The following VPS54 variants were observed in gnomAD, a reference collection of about 807,000 sequenced individuals.
VPS54 encodes vacuolar protein sorting-associated protein 54.
Under a neutral mutation model 121.5 loss-of-function variants are expected in VPS54, and 45 were observed. That is an observed-to-expected ratio of 0.37 (90% CI 0.29 to 0.47). The LOEUF is 0.47. Ranked by LOEUF, VPS54 falls within the 20% of genes least tolerant of loss-of-function variation. VPS54 has a pLI of 0.99. For synonymous variants in VPS54, 371 were observed against 385.8 expected, an observed-to-expected ratio of 0.96 and a Z score of 0.45; for missense variants, 1,090 against 1,131.4, an observed-to-expected ratio of 0.96 and a Z score of 0.52.
chr2:64,017,634 C>A (rs140635000), intron 1 of VPS54, among the ~76,000 whole-genome samples: 143 of 152,264 alleles, frequency 9.4e-4, no homozygotes, highest in African/African-American at 3.1e-3. Flanking sequence ...ACAGTCTTTA[C>A]GATTTGGTTG....
intron 4 of VPS54, among the ~76,000 whole-genome samples, chr2:63,969,213 A>G (rs568291305): frequency 1.2e-4 from 18 of 152,358 alleles, no homozygotes; most frequent in Admixed American, 1.1e-3. Flanking sequence ...TATAGCAGCA[A>G]TAAAACAGCA....
intron 10 of VPS54, 88 bp from the exon 11 acceptor site, chr2:63,942,649 A>ACTAT: frequency 9.1e-7 from 1 of 1,099,520 alleles, no homozygotes; most frequent in Non-Finnish European, 1.3e-6. Flanking sequence ...GAGACTAAAT[A>ACTAT]CTATCTAGTG....
chr2:63,935,501 T>TC (rs1224159987), intron 11 of VPS54, among the ~76,000 whole-genome samples: 1 of 152,192 alleles, frequency 6.6e-6, no homozygotes, highest in East Asian at 1.9e-4. Flanking sequence ...TGCGTCTTTT[T>TC]CCTTATCTCT....
intron 20 of VPS54, among the ~76,000 whole-genome samples, chr2:63,904,465 G>A (rs1332490531): frequency 7.7e-4 from 67 of 87,210 alleles, no homozygotes; most frequent in Non-Finnish European, 1.0e-3. Context: ...AAAAAAAAAA[G>A]GGAGATCACA....
In VPS54 at chr2:63,912,577, T is replaced by C. The variant is rs138401368; in HGVS notation, c.2507A>G (p.Gln836Arg). 2.6e-5 allele frequency: 41 copies of C among 1,604,512 alleles called. No homozygotes were observed. In the African/African-American group the frequency reaches 5.0e-4, roughly 20 times the overall value. The change falls in exon 19 of 23, where the codon CAA becomes CGA. Residue 836 changes from glutamine to arginine, a missense_variant. Gln to Arg is a conservative substitution (Grantham distance 43). Around this residue, in one of 2 missense-constraint regions of VPS54, gnomAD observed 289 missense variants for 374.4 expected, o/e 0.77. Coordinates refer to ENST00000272322, the MANE Select transcript of VPS54 (RefSeq NM_016516.3). ...ATCAAAATGCCTAAGCATGCTATAT[T>C]GCTTAGGTGGTAGTCGAGCTTCAAA... ...AHFEARLPPK[Q>R]YSMLRHFDHI...
At chr2:64,014,505 T>G (rs1397708125) in intron 1 of VPS54, among the ~76,000 whole-genome samples, 1 of 152,216 alleles carries the variant, frequency 6.6e-6, no homozygotes, top group Non-Finnish European at 1.5e-5. Flanking sequence ...TTTGCCCCTA[T>G]ATTAAGGAGT....
chr2:63,938,675 G>A (rs922996611), intron 11 of VPS54, among the ~76,000 whole-genome samples: 6 of 152,106 alleles, frequency 3.9e-5, no homozygotes, highest in African/African-American at 1.2e-4. Context: ...ATGTTGGCCC[G>A]GCTGGTCTCA....
intron 8 of VPS54, 107 bp from the exon 9 acceptor site, chr2:63,947,597 C>G: frequency 1.0e-6 from 1 of 972,658 alleles, no homozygotes; most frequent in Non-Finnish European, 1.4e-6. Flanking sequence ...AGATCTCTAT[C>G]CTGCACAAAG....
intron 1 of VPS54, among the ~76,000 whole-genome samples, chr2:64,009,884 C>T (rs1396677694): frequency 6.6e-6 from 1 of 150,666 alleles, no homozygotes. Context: ...CTCTGTCACT[C>T]AGGCTGGAGT....
intron 6 of VPS54, among the ~76,000 whole-genome samples, chr2:63,963,299 T>C (rs1187162273): frequency 6.6e-6 from 1 of 152,162 alleles, no homozygotes; most frequent in African/African-American, 2.4e-5. Flanking sequence ...TTAATTCTTA[T>C]GGTAATATAT....
At position 63,965,902 on chromosome 2, in the gene VPS54, G is replaced by T; in HGVS notation, c.557C>A (p.Ser186Tyr). The change falls in exon 6 of 23, where the codon TCT becomes TAT. Residue 186 changes from serine to tyrosine, a missense_variant. Ser to Tyr is a moderately radical substitution (Grantham distance 144). Around this residue, in one of 2 missense-constraint regions of VPS54, gnomAD observed 801 missense variants for 757.0 expected, o/e 1.06. Coordinates refer to ENST00000272322, the MANE Select transcript of VPS54 (RefSeq NM_016516.3). ...SLTFNSVLPW[S>Y]HFNTAGGKGN... ...TTTTCCACCAGCAGTATTAAAATGA[G>T]ACCATGGTAAAACTGAATTAAAAGT... The T allele has an allele frequency of 6.2e-7, 1 of 1,612,928 alleles. No individual in the cohort carries two copies. The highest frequency in any genetic ancestry group is 1.1e-5 in the South Asian group (1 of 90,612).
At chr2:64,016,656 T>C (rs1272616161) in intron 1 of VPS54, among the ~76,000 whole-genome samples, 2 of 151,416 alleles carry the variant, frequency 1.3e-5, no homozygotes, top group African/African-American at 4.9e-5. Flanking sequence ...TCACCCAGCC[T>C]GTAGTGCAGT....
At chr2:63,941,270 G>A (rs1381948610) in intron 11 of VPS54, among the ~76,000 whole-genome samples, 1 of 151,964 alleles carries the variant, frequency 6.6e-6, no homozygotes, top group Non-Finnish European at 1.5e-5. Context: ...TGTTGGCCAG[G>A]CTGGAGTACA....
At chr2:63,999,285 C>A (rs1677757232) in intron 1 of VPS54, among the ~76,000 whole-genome samples, 1 of 152,204 alleles carries the variant, frequency 6.6e-6, no homozygotes, top group South Asian at 2.1e-4. Flanking sequence ...AGGTCTGGAG[C>A]TGATGAAATC....
At chr2:63,976,538 T>C (rs1258445387) in intron 3 of VPS54, among the ~76,000 whole-genome samples, 1 of 152,138 alleles carries the variant, frequency 6.6e-6, no homozygotes, top group Admixed American at 6.5e-5. Flanking sequence ...ACTGAAATGT[T>C]TGGTAGAATT....
At chr2:63,927,780 G>C (rs547261123) in intron 12 of VPS54, among the ~76,000 whole-genome samples, 2 of 152,264 alleles carry the variant, frequency 1.3e-5, no homozygotes, top group African/African-American at 2.4e-5. Flanking sequence ...GATTAGATGA[G>C]TGGCTAACTA....
At chr2:63,987,983 C>G (rs13021953) in intron 1 of VPS54, among the ~76,000 whole-genome samples, 59 of 152,064 alleles carry the variant, frequency 3.9e-4, no homozygotes, top group African/African-American at 1.4e-3. Context: ...TAATTTGACT[C>G]CTTCCTTTCC....
chr2:63,994,174 C>G (rs1018740584), intron 1 of VPS54, among the ~76,000 whole-genome samples: 6 of 152,212 alleles, frequency 3.9e-5, no homozygotes, highest in Non-Finnish European at 8.8e-5. Context: ...ACCAATCCCA[C>G]TTCTCCTAAT....
chr2:63,902,582 G>A (rs574445804), intron 20 of VPS54, among the ~76,000 whole-genome samples: 7 of 151,658 alleles, frequency 4.6e-5, no homozygotes, highest in African/African-American at 1.7e-4. Flanking sequence ...ATACAAAAAA[G>A]AAAACAATAT....
Sources: allele counts gnomAD v4.1 joint callset (sites outside exome capture counted in the v4.1 genomes callset), GRCh38; gene constraint gnomAD v4.1.1; regional missense constraint gnomAD v4.1.1; transcripts MANE v1.5; gene names NCBI Gene and HGNC (gene_info 2026-07-23, HGNC 2026-07-21).